Variants in ELAVL2 observed in about 807,000 individuals in gnomAD.
ELAVL2 encodes ELAV-like protein 2.
Under a neutral mutation model 34.6 loss-of-function variants are expected in ELAVL2, and 4 were observed. That is an observed-to-expected ratio of 0.12 (90% CI 0.06 to 0.26). The LOEUF (loss-of-function observed/expected upper bound fraction) is 0.26. Among genes scored for constraint, ELAVL2 ranks in the 10% least tolerant of loss-of-function variants. ELAVL2 has a pLI of 1.00. For missense variants in ELAVL2, 432 were observed against 442.8 expected (o/e 0.98, Z 0.22); for synonymous variants, 193 against 154.8 (o/e 1.25, Z -1.83).
At chr9:23,752,497 C>A (rs148010353) in intron 2 of ELAVL2, among the ~76,000 whole-genome samples, 3 of 151,592 alleles carry the variant, frequency 2.0e-5, no homozygotes, top group African/African-American at 7.3e-5. Context: ...ATAGAGTCTC[C>A]CTCTGTCATC....
chr9:23,744,259 A>C (rs1564222775), intron 2 of ELAVL2, among the ~76,000 whole-genome samples: 1 of 152,318 alleles, frequency 6.6e-6, no homozygotes, highest in African/African-American at 2.4e-5. Flanking sequence ...ACTCTTGTTA[A>C]AAGAGGTTCC....
At chr9:23,839,518 T>G in the ELAVL2 span, among the ~76,000 whole-genome samples, 2 of 152,152 alleles carry the variant, frequency 1.3e-5, no homozygotes, top group Non-Finnish European at 2.9e-5. Flanking sequence ...GTCCTAGACA[T>G]GAGTCATCAC....
intron 5 of ELAVL2, among the ~76,000 whole-genome samples, chr9:23,697,967 T>C (rs2035845552): frequency 6.6e-6 from 1 of 151,780 alleles, no homozygotes; most frequent in Non-Finnish European, 1.5e-5. Flanking sequence ...AATTAGATGG[T>C]ATCATCTGTC....
In ELAVL2 at chr9:23,789,713, C is replaced by T. The variant is rs117067938; in HGVS notation, c.-15-27464G>A. Among the ~76,000 whole-genome samples, 27 of 152,226 alleles carry T rather than the reference C, an allele frequency of 1.8e-4. No homozygotes were observed. In the East Asian group the frequency reaches 4.4e-3, roughly 25 times the overall value. The stretch of plus-strand genomic sequence containing the variant: ...AGAAATTGCTTCCTAAATAATGTAT[C>T]GTATTATACAAGCTATCACATATCT... On this transcript the variant is annotated intron_variant, in intron 1 of 6. Coordinates refer to ENST00000397312, the MANE Select transcript of ELAVL2 (RefSeq NM_004432.5).
chr9:23,790,311 G>C (rs887429592), intron 1 of ELAVL2, among the ~76,000 whole-genome samples: 1 of 152,166 alleles, frequency 6.6e-6, no homozygotes, highest in African/African-American at 2.4e-5. Context: ...TGAAAGGAGA[G>C]TAGATATTCT....
intron 1 of ELAVL2, among the ~76,000 whole-genome samples, chr9:23,764,452 A>G (rs1171196164): frequency 1.3e-5 from 2 of 152,164 alleles, no homozygotes; most frequent in Non-Finnish European, 2.9e-5. Context: ...TCTCTCTGCT[A>G]TAGGACCATC....
upstream of ELAVL2, among the ~76,000 whole-genome samples, chr9:23,826,808 C>A (rs2065326150): frequency 6.6e-6 from 1 of 152,142 alleles, no homozygotes; most frequent in African/African-American, 2.4e-5. Flanking sequence ...GAATGTACAT[C>A]CATTATTTGC....
At chr9:23,828,486 G>C (rs901073404), upstream of ELAVL2, among the ~76,000 whole-genome samples, 2 of 152,118 alleles carry the variant, frequency 1.3e-5, no homozygotes, top group South Asian at 4.1e-4. Flanking sequence ...AAATGATAGG[G>C]ACAGGTGTGA....
intron 1 of ELAVL2, among the ~76,000 whole-genome samples, chr9:23,822,557 C>G (rs1313067667): frequency 6.6e-6 from 1 of 152,198 alleles, no homozygotes; most frequent in Non-Finnish European, 1.5e-5. Context: ...TCCCTTTTCC[C>G]CAGAAAAACC....
chr9:23,745,784 C>T (rs1310011564), intron 2 of ELAVL2, among the ~76,000 whole-genome samples: 1 of 152,142 alleles, frequency 6.6e-6, no homozygotes, highest in African/African-American at 2.4e-5. Context: ...CATTCAGAGG[C>T]AAATCTGTTT....
chr9:23,765,272 T>C (rs2055975234), intron 1 of ELAVL2, among the ~76,000 whole-genome samples: 1 of 152,228 alleles, frequency 6.6e-6, no homozygotes, highest in African/African-American at 2.4e-5. Context: ...TTTCAACATG[T>C]AGTTTTCTTG....
At chr9:23,717,871 T>C (rs188940363) in intron 3 of ELAVL2, among the ~76,000 whole-genome samples, 3 of 152,304 alleles carry the variant, frequency 2.0e-5, no homozygotes, top group Admixed American at 2.0e-4. Context: ...TATAAAATAT[T>C]TAATTACAGA....
intron 1 of ELAVL2, among the ~76,000 whole-genome samples, chr9:23,800,296 G>C (rs1388592286): frequency 6.6e-6 from 1 of 152,166 alleles, no homozygotes; most frequent in Non-Finnish European, 1.5e-5. Flanking sequence ...TAAAACAGTA[G>C]AGTTCCTATT....
intron 1 of ELAVL2, among the ~76,000 whole-genome samples, chr9:23,817,335 C>G (rs190816472): frequency 1.1e-4 from 16 of 152,098 alleles, no homozygotes; most frequent in Non-Finnish European, 2.2e-4. Flanking sequence ...GTTATTTTAC[C>G]TATTTTACTC....
intron 3 of ELAVL2, among the ~76,000 whole-genome samples, chr9:23,729,331 C>T (rs953833964): frequency 6.6e-6 from 1 of 152,088 alleles, no homozygotes; most frequent in African/African-American, 2.4e-5. Flanking sequence ...AGCAGCAACG[C>T]TGGAAATCAA....
At chr9:23,739,567 A>G (rs1215605589) in intron 2 of ELAVL2, among the ~76,000 whole-genome samples, 2 of 151,462 alleles carry the variant, frequency 1.3e-5, no homozygotes, top group African/African-American at 2.4e-5. Context: ...ACACACACTA[A>G]CAGTCTTATA....
At chr9:23,723,329 C>A (rs2134166795) in intron 3 of ELAVL2, among the ~76,000 whole-genome samples, 1 of 151,910 alleles carries the variant, frequency 6.6e-6, no homozygotes, top group South Asian at 2.1e-4. Flanking sequence ...GGACAAAAAA[C>A]CAAACACCGC....
intron 5 of ELAVL2, among the ~76,000 whole-genome samples, chr9:23,700,561 G>T (rs949974461): frequency 1.3e-5 from 2 of 152,172 alleles, no homozygotes; most frequent in Non-Finnish European, 2.9e-5. Context: ...AGGCCAAATG[G>T]AGACTGCCTC....
chr9:23,760,680 A>C (rs141417378), intron 2 of ELAVL2, among the ~76,000 whole-genome samples: 1 of 152,112 alleles, frequency 6.6e-6, no homozygotes, highest in African/African-American at 2.4e-5. Context: ...GTTCAGAAAC[A>C]TAAGAACCAC....
Sources: gnomAD v4.1 joint callset for allele counts (sites outside exome capture counted in the v4.1 genomes callset) on GRCh38, gnomAD v4.1.1 for gene constraint, MANE v1.5 for transcripts, NCBI Gene and HGNC (gene_info 2026-07-23, HGNC 2026-07-21) for gene names.